The following SDHAF4 variants were observed in gnomAD, a reference collection of about 807,000 sequenced individuals.
SDHAF4 encodes the protein succinate dehydrogenase complex assembly factor 4.
In SDHAF4, 14 loss-of-function variants were observed where a neutral mutation model predicts 14.3. The ratio of observed to expected loss-of-function variants is 0.98; its 90% CI spans 0.65 to 1.53. The LOEUF (loss-of-function observed/expected upper bound fraction) is 1.53, where lower values mean the gene tolerates loss of function less well. SDHAF4 is among the 40% of genes most tolerant of loss of function. The probability of loss-of-function intolerance (pLI) is 0.00; values close to 1 mark genes in which losing one functional copy is unlikely to be tolerated. For synonymous variants in SDHAF4, 63 were observed against 47.3 expected, an observed-to-expected ratio of 1.33 and a Z score of -1.36; for missense variants, 141 against 129.3, an observed-to-expected ratio of 1.09 and a Z score of -0.44.
downstream of SDHAF4, among the ~76,000 whole-genome samples, chr6:70,594,386 T>G (rs1246124487): frequency 2.0e-5 from 3 of 152,244 alleles, no homozygotes; most frequent in Non-Finnish European, 4.4e-5. Context: ...ATTTGACAGG[T>G]AGGATCTCTG....
At chr6:70,594,126 G>T (rs1268767601), downstream of SDHAF4, among the ~76,000 whole-genome samples, 1 of 152,166 alleles carries the variant, frequency 6.6e-6, no homozygotes. Flanking sequence ...GTTGTATCTT[G>T]GAAGTAGATA....
intron 1 of SDHAF4, among the ~76,000 whole-genome samples, chr6:70,575,372 T>C (rs1196914355): frequency 6.9e-6 from 1 of 145,978 alleles, no homozygotes; most frequent in Non-Finnish European, 1.5e-5. Context: ...AGTGAGACTC[T>C]GTCTGAAAAA....
intron 1 of SDHAF4, among the ~76,000 whole-genome samples, chr6:70,567,981 G>A (rs985756082): frequency 6.6e-6 from 1 of 152,106 alleles, no homozygotes; most frequent in African/African-American, 2.4e-5. Context: ...CACCGCGCCC[G>A]GTCCGCAAAA....
At chr6:70,575,152 C>T (rs1375862285) in intron 1 of SDHAF4, among the ~76,000 whole-genome samples, 2 of 152,164 alleles carry the variant, frequency 1.3e-5, no homozygotes, top group Non-Finnish European at 2.9e-5. Flanking sequence ...CCAAAGCAGG[C>T]AGATCACTTG....
At chr6:70,586,428 C>CTTTTTTTTTTTT (rs70990316) in intron 2 of SDHAF4, among the ~76,000 whole-genome samples, 3 of 80,308 alleles carry the variant, frequency 3.7e-5, no homozygotes, top group African/African-American at 1.0e-4. Context: ...ATTTGTTTGC[C>CTTTTTTTTTTTT]TTTTTTTTTT....
intron 1 of SDHAF4, among the ~76,000 whole-genome samples, chr6:70,575,756 A>ATTATTTCTTCTT (rs1802247445): frequency 6.6e-6 from 1 of 151,638 alleles, no homozygotes. Context: ...TTTTGCTTTT[A>ATTATTTCTTCTT]TTATTTCTTC....
intron 1 of SDHAF4, among the ~76,000 whole-genome samples, chr6:70,573,002 G>GTCTT (rs1370988856): frequency 6.6e-6 from 1 of 151,948 alleles, no homozygotes; most frequent in Non-Finnish European, 1.5e-5. Context: ...GAGAGACAGA[G>GTCTT]TCTTGTCCTG....
the SDHAF4 span, among the ~76,000 whole-genome samples, chr6:70,595,990 A>G: frequency 1.3e-5 from 2 of 152,232 alleles, no homozygotes; most frequent in Admixed American, 6.5e-5. Context: ...TATAACAACC[A>G]AAGTGTTGTA....
At chr6:70,594,994 A>G in the SDHAF4 span, among the ~76,000 whole-genome samples, 1 of 152,076 alleles carries the variant, frequency 6.6e-6, no homozygotes, top group Non-Finnish European at 1.5e-5. Flanking sequence ...GGACTAAGAC[A>G]GTAGGTATAG....
At chr6:70,570,028 A>G (rs1008140480) in intron 1 of SDHAF4, among the ~76,000 whole-genome samples, 17 of 152,198 alleles carry the variant, frequency 1.1e-4, no homozygotes, top group Non-Finnish European at 5.9e-5. Flanking sequence ...GCGAGCCATC[A>G]TAAATCAAGT....
chr6:70,567,031 T>G, intron 1 of SDHAF4, 27 bp downstream of exon 1: 1 of 1,563,046 alleles, frequency 6.4e-7, no homozygotes, highest in African/African-American at 1.4e-5. Context: ...GGGGCCACGG[T>G]CGCGGGAGGG....
At chr6:70,586,928 G>A (rs1765207897) in intron 2 of SDHAF4, among the ~76,000 whole-genome samples, 1 of 152,130 alleles carries the variant, frequency 6.6e-6, no homozygotes, top group South Asian at 2.1e-4. Context: ...CAGCACTTTG[G>A]GAGGCTGAGG....
At chr6:70,595,156 G>A in the SDHAF4 span, among the ~76,000 whole-genome samples, 2 of 152,076 alleles carry the variant, frequency 1.3e-5, no homozygotes, top group African/African-American at 4.8e-5. Flanking sequence ...GGAACTGCTG[G>A]GCTCCCCTAA....
intron 1 of SDHAF4, chr6:70,567,307 G>A (rs536168323): frequency 3.3e-5 from 14 of 425,718 alleles, no homozygotes; most frequent in African/African-American, 2.1e-4. Flanking sequence ...GTTCCTGTGG[G>A]AGCTCGCAGG....
downstream of SDHAF4, among the ~76,000 whole-genome samples, chr6:70,593,478 C>T (rs1443315868): frequency 6.6e-6 from 1 of 152,186 alleles, no homozygotes; most frequent in Non-Finnish European, 1.5e-5. Context: ...CACCCTGGGA[C>T]CTCAGAACTG....
chr6:70,584,657 T>A (rs1461274351), intron 2 of SDHAF4, among the ~76,000 whole-genome samples: 2 of 151,972 alleles, frequency 1.3e-5, no homozygotes, highest in Non-Finnish European at 2.9e-5. Context: ...AAAAATTAGG[T>A]TAACAAATGT....
At chr6:70,578,691 C>G (rs1044775641) in intron 1 of SDHAF4, among the ~76,000 whole-genome samples, 6 of 152,166 alleles carry the variant, frequency 3.9e-5, no homozygotes, top group African/African-American at 1.4e-4. Context: ...AGGTTTTCTT[C>G]TAGGATTCTT....
Position 70,569,127 on chromosome 6 carries a change from G to C in SDHAF4, c.64+2123G>C, listed in dbSNP as rs556286787. 2.9e-3 allele frequency among the ~76,000 whole-genome samples: 419 copies of C among 146,936 alleles called. 3 individuals carry two copies. The highest frequency in any genetic ancestry group is 9.7e-3 in the African/African-American group (387 of 39,716). The stretch of plus-strand genomic sequence containing the variant: ...ACTACAGGCGCGCGCCACCACGCCC[G>C]GCTAATTTTTGTATTTTTAGTAGAG... On this transcript the variant is annotated intron_variant, in intron 1 of 2. Transcript: ENST00000370474.
chr6:70,568,567 C>T (rs1364194190), intron 1 of SDHAF4, among the ~76,000 whole-genome samples: 1 of 152,102 alleles, frequency 6.6e-6, no homozygotes, highest in Non-Finnish European at 1.5e-5. Flanking sequence ...ACTGTGTGAA[C>T]ATATGATGCA....
Sources: gnomAD v4.1 joint callset for allele counts (sites outside exome capture counted in the v4.1 genomes callset) on GRCh38, gnomAD v4.1.1 for gene constraint, MANE v1.5 for transcripts, NCBI Gene and HGNC (gene_info 2026-07-23, HGNC 2026-07-21) for gene names.